Variants in FGF10 observed in about 807,000 individuals in gnomAD.
The protein encoded by FGF10 is FGF-10.
A neutral mutation model predicts 19.8 loss-of-function variants in FGF10; 2 were observed. That is an observed-to-expected ratio of 0.10 (90% confidence interval 0.04 to 0.32). The LOEUF (loss-of-function observed/expected upper bound fraction) is 0.32, where lower values mean the gene tolerates loss of function less well. FGF10 is among the 10% of genes least tolerant of loss of function. FGF10 has a pLI of 1.00. For missense variants in FGF10, 191 were observed against 246.3 expected, an observed-to-expected ratio of 0.78 and a Z score of 1.50; for synonymous variants, 112 against 94.0, an observed-to-expected ratio of 1.19 and a Z score of -1.10.
chr5:44,376,490 CAAAAAA>C (rs764913349), intron 1 of FGF10, among the ~76,000 whole-genome samples: 8 of 34,544 alleles, frequency 2.3e-4, no homozygotes, highest in East Asian at 4.3e-3. Context: ...ATACAAATGC[CAAAAAA>C]AAAAAAAAAA....
intron 1 of FGF10, among the ~76,000 whole-genome samples, chr5:44,352,095 A>T (rs1013698813): frequency 8.6e-5 from 13 of 151,762 alleles, no homozygotes; most frequent in African/African-American, 3.1e-4. Context: ...AGCATAGTCC[A>T]TGAAAGAGGA....
chr5:44,375,316 T>C (rs1741829673), intron 1 of FGF10, among the ~76,000 whole-genome samples: 1 of 152,124 alleles, frequency 6.6e-6, no homozygotes, highest in South Asian at 2.1e-4. Flanking sequence ...ATATGGTTTT[T>C]GGAAGCACAG....
rs889869984 is a variant in FGF10 at position 44,346,881 on chromosome 5, A to G, written c.326-36351T>C. 4.0e-5 allele frequency among the ~76,000 whole-genome samples: 6 copies of G among 151,854 alleles called. 1 individual carries two copies. The South Asian group carries it at 1.2e-3, about 31-fold the overall frequency. ...TCAACTAATTTAAATTAAAATAGCT[A>G]TGCTTGGCTAGTGACTACTGAATTG... On this transcript the variant is annotated intron_variant, in intron 1 of 2. Transcript: ENST00000264664.
At chr5:44,310,378 T>C (rs779571947) in intron 2 of FGF10, 49 bp downstream of exon 2, 5 of 1,314,584 alleles carry the variant, frequency 3.8e-6, no homozygotes, top group Admixed American at 1.7e-5. Context: ...TCCAAAACTA[T>C]GGTAATGGTT....
At chr5:44,377,896 T>C (rs12515846) in intron 1 of FGF10, among the ~76,000 whole-genome samples, 2,062 of 152,318 alleles carry the variant, frequency 0.014, 85 homozygotes, top group East Asian at 0.12. Context: ...CATTGAACCA[T>C]CAGAAAGCAA....
rs754826334 is a variant in FGF10, at chr5:44,388,643, G to A, written c.40C>T (p.Pro14Ser). The A allele has an allele frequency of 2.5e-6, 4 of 1,613,918 alleles. No homozygotes were observed. Among genetic ancestry groups the A allele is most frequent in the African/African-American group, 2.7e-5 (2 of 74,874 alleles). Residue 14 changes from proline (P) to serine (S), a missense_variant, in exon 1 of 3, where the codon CCC becomes TCC. By Grantham distance (74) the Pro-to-Ser change is moderately conservative. Transcript: ENST00000264664. ...CAGCAGCAGCAGCCGGGCAGGTGGG[G>A]AAAGGCTGAGGCACAATGTGTCAGT... ...WILTHCASAF[P>S]HLPGCCCCCF...
intron 1 of FGF10, among the ~76,000 whole-genome samples, chr5:44,357,087 C>T (rs1009369725): frequency 1.2e-4 from 18 of 148,526 alleles, no homozygotes; most frequent in East Asian, 6.0e-4. Flanking sequence ...TTTAGATCAC[C>T]GACACTACCT....
At chr5:44,365,641 C>T (rs1001263058) in intron 1 of FGF10, among the ~76,000 whole-genome samples, 10 of 151,938 alleles carry the variant, frequency 6.6e-5, no homozygotes, top group African/African-American at 2.4e-4. Flanking sequence ...AAGTAAGACT[C>T]TGTTGTCATC....
In FGF10 at chr5:44,303,195, AT is replaced by A. The variant is rs767618879; in HGVS notation, c.*1799del. On this transcript the variant is annotated 3_prime_UTR_variant, in exon 3 of 3. Coordinates refer to ENST00000264664, the MANE Select transcript of FGF10 (RefSeq NM_004465.2). ...TTCTGAAATACAGTTTTTTTGAAGA[AT>A]GGGAAAAATATGACCTTTTATGGGA... 2.0e-4 allele frequency among the ~76,000 whole-genome samples: 31 copies of A among 152,304 alleles called. No individual in the cohort carries two copies. The highest frequency in any genetic ancestry group is 4.4e-4 in the Non-Finnish European group (30 of 68,018).
At chr5:44,371,266 C>T (rs1306597802) in intron 1 of FGF10, among the ~76,000 whole-genome samples, 1 of 152,114 alleles carries the variant, frequency 6.6e-6, no homozygotes, top group Non-Finnish European at 1.5e-5. Context: ...ATGTTCTCTG[C>T]TGCCACGGTG....
intron 1 of FGF10, among the ~76,000 whole-genome samples, chr5:44,352,795 T>G (rs1029504498): frequency 2.6e-5 from 4 of 151,588 alleles, no homozygotes; most frequent in African/African-American, 9.7e-5. Context: ...TCCTCATCAA[T>G]AAAATATTAT....
chr5:44,310,785 A>G (rs1219537025), intron 1 of FGF10, among the ~76,000 whole-genome samples: 1 of 152,142 alleles, frequency 6.6e-6, no homozygotes, highest in African/African-American at 2.4e-5. Flanking sequence ...CTGAGCATAC[A>G]TAGAAAATAT....
intron 1 of FGF10, among the ~76,000 whole-genome samples, chr5:44,321,537 AC>A (rs889353136): frequency 2.0e-5 from 3 of 152,208 alleles, no homozygotes; most frequent in African/African-American, 7.2e-5. Context: ...AGCTGCCGTG[AC>A]TAAAATGGCT....
chr5:44,310,542 A>C lies in FGF10; in HGVS notation c.326-12T>G, dbSNP rs1171267094. ...TATCTCCAGGATGCCTAAAACATACAATTTTAAAAGGCTAAATAAAGAATC... is the reference window on the plus strand; with the variant it reads ...TATCTCCAGGATGCCTAAAACATACCATTTTAAAAGGCTAAATAAAGAATC... On this transcript the variant is annotated splice_polypyrimidine_tract_variant and intron_variant, in intron 1 of 2. Transcript: ENST00000264664. The C allele has an allele frequency of 6.4e-7, 1 of 1,561,502 alleles. No homozygotes were observed. The highest frequency in any genetic ancestry group is 1.7e-5 in the Admixed American group (1 of 59,724).
chr5:44,379,947 C>T (rs562870605), intron 1 of FGF10, among the ~76,000 whole-genome samples: 8 of 152,242 alleles, frequency 5.3e-5, no homozygotes, highest in African/African-American at 1.9e-4. Flanking sequence ...GCTTCCTGGA[C>T]GTCAGCATAT....
chr5:44,361,649 T>C (rs924589424), intron 1 of FGF10, among the ~76,000 whole-genome samples: 5 of 151,638 alleles, frequency 3.3e-5, no homozygotes, highest in African/African-American at 9.7e-5. Flanking sequence ...GAGAGAGAAG[T>C]CTGTCTTGCA....
At position 44,305,654 on chromosome 5, in the gene FGF10, A is replaced by G. The variant is rs7733105; in HGVS notation, c.430-462T>C. Among the ~76,000 whole-genome samples, 1,242 of 152,300 alleles carry G rather than the reference A, an allele frequency of 8.2e-3. 23 individuals are homozygous for G. The highest frequency in any genetic ancestry group is 0.029 in the African/African-American group (1,187 of 41,560). On this transcript the variant is annotated intron_variant, in intron 2 of 2. Transcript: ENST00000264664. Reference sequence around the variant, plus strand: ...TGCAAACTTTACCTACAAATCCATAATAAATACACACACACATTCATAAGA... The same window carrying G: ...TGCAAACTTTACCTACAAATCCATAGTAAATACACACACACATTCATAAGA...
At chr5:44,342,899 T>G (rs771609919) in intron 1 of FGF10, among the ~76,000 whole-genome samples, 8 of 151,994 alleles carry the variant, frequency 5.3e-5, no homozygotes, top group Non-Finnish European at 8.8e-5. Context: ...TCCAAAGCAT[T>G]AATCCTCTTC....
intron 1 of FGF10, among the ~76,000 whole-genome samples, chr5:44,367,675 A>G (rs1237296311): frequency 2.0e-5 from 3 of 152,034 alleles, no homozygotes; most frequent in Admixed American, 2.0e-4. Flanking sequence ...GTGTACATAT[A>G]AAGTACATAG....
Sources: gnomAD v4.1 joint callset for allele counts (sites outside exome capture counted in the v4.1 genomes callset) on GRCh38, gnomAD v4.1.1 for gene constraint, MANE v1.5 for transcripts, NCBI Gene and HGNC (gene_info 2026-07-23, HGNC 2026-07-21) for gene names.